The following PIP5KL1 variants were observed in gnomAD, a reference collection of about 807,000 sequenced individuals.
The protein encoded by PIP5KL1 is phosphatidylinositol-4-phosphate 5-kinase like 1, also known as phosphatidylinositol 4-phosphate 5-kinase-like protein 1.
PIP5KL1 carries 45 observed loss-of-function variants against 47.6 expected under a neutral mutation model. That is an observed-to-expected ratio of 0.94 (90% CI 0.74 to 1.21). PIP5KL1 has a LOEUF of 1.21. PIP5KL1 is among the 50% of genes most tolerant of loss of function. The pLI is 0.00. For synonymous variants in PIP5KL1, 256 were observed against 234.6 expected (o/e 1.09, Z -0.84); for missense variants, 577 against 547.6 (o/e 1.05, Z -0.54).
intron 1 of PIP5KL1, among the ~76,000 whole-genome samples, chr9:127,930,339 T>G (rs1019435325): frequency 6.6e-6 from 1 of 152,200 alleles, no homozygotes. Flanking sequence ...GTCACATCTA[T>G]TCCATTCGCC....
Position 127,927,228 on chromosome 9 carries a change from G to A in PIP5KL1, c.595-20C>T. 6.2e-7 allele frequency: 1 copy of A among 1,612,916 alleles called. No individual in the cohort carries two copies. On this transcript the variant is annotated intron_variant, in intron 6 of 9. Transcript: ENST00000388747. The surrounding 1 kb of genome is among the most constrained non-coding windows in gnomAD (Gnocchi z 5.5). Reference sequence around the variant, plus strand: ...GTACGTCTGGGGGCCGGGACAGGGAGTGAGGGAGGCCGGCTGTCGCCCTCC... The same window carrying A: ...GTACGTCTGGGGGCCGGGACAGGGAATGAGGGAGGCCGGCTGTCGCCCTCC...
chr9:127,925,113 G>T lies in PIP5KL1; in HGVS notation c.911C>A (p.Thr304Lys). The change falls in exon 9 of 10, where the codon ACG becomes AAG. Residue 304 changes from threonine to lysine, a missense_variant. Transcript: ENST00000388747. ...RGPGSSLIFR[T>K]ARSVQGAQSP... ...GCCCCTGTGGGAGGCTCACCTGGCC[G>T]TGCGGAAGATGAGGCTGCTGCCCGG... The T allele has an allele frequency of 1.9e-6, 3 of 1,613,966 alleles. No individual in the cohort carries two copies. Among genetic ancestry groups the T allele is most frequent in the Middle Eastern group, 1.6e-4 (1 of 6,062 alleles).
rs1026732959 is a variant in PIP5KL1, at chr9:127,922,944, C to T, written c.918-830G>A. On this transcript the variant is annotated intron_variant, in intron 9 of 9. Coordinates refer to ENST00000388747, the MANE Select transcript of PIP5KL1 (RefSeq NM_001135219.2). Reference sequence around the variant, plus strand: ...GGGTAGCACTGGTCTATAGCTTTTGCGTCACACAGACCCTGGAATCTGCAC... The same window carrying T: ...GGGTAGCACTGGTCTATAGCTTTTGTGTCACACAGACCCTGGAATCTGCAC... Among the ~76,000 whole-genome samples the T allele has an allele frequency of 4.6e-5, 7 of 152,226 alleles. No homozygotes were observed. The East Asian group carries it at 9.7e-4, about 21-fold the overall frequency.
In PIP5KL1 at chr9:127,927,555, C is replaced by T. The variant is rs1023958471; in HGVS notation, c.559+93G>A. ...CCCCCATGCCCTACAACCCCAAATC[C>T]GCCCATTTGGGCCCCGCCCACATAC... On this transcript the variant is annotated intron_variant, in intron 5 of 9. Transcript: ENST00000388747. The surrounding 1 kb of genome is among the most constrained non-coding windows in gnomAD (Gnocchi z 5.5). The T allele has an allele frequency of 6.0e-5, 79 of 1,327,726 alleles. 1 individual carries two copies. The East Asian group carries it at 2.7e-3, about 45-fold the overall frequency. 82.2% of individuals were successfully genotyped at this position (1,327,726 alleles called of 1,614,324 possible).
chr9:127,922,925 C>G (rs1831309567), intron 9 of PIP5KL1, among the ~76,000 whole-genome samples: 1 of 152,128 alleles, frequency 6.6e-6, no homozygotes, highest in South Asian at 2.1e-4. Flanking sequence ...TACTGGGTAG[C>G]ACTGGTCTAT....
At chr9:127,924,582 G>A (rs1413088890) in intron 9 of PIP5KL1, among the ~76,000 whole-genome samples, 1 of 151,192 alleles carries the variant, frequency 6.6e-6, no homozygotes, top group Non-Finnish European at 1.5e-5. Context: ...CTTGAATCGG[G>A]GAGGCAGAGG....
intron 8 of PIP5KL1, chr9:127,925,594 T>C (rs971369060): frequency 6.1e-5 from 30 of 491,678 alleles, no homozygotes; most frequent in Non-Finnish European, 9.3e-5. Flanking sequence ...GCCTCCTGAG[T>C]AGCTGGGATT....
chr9:127,926,138 TTCTCTCTTTTCTTTCTTTCTC>T (rs904044536), intron 7 of PIP5KL1, among the ~76,000 whole-genome samples, 159 bp from the exon 8 acceptor site: 26 of 151,906 alleles, frequency 1.7e-4, no homozygotes, highest in Middle Eastern at 6.8e-3. Context: ...CTTTCTTTCT[TTCTCTCTTTTCTTTCTTTCTC>T]TCTCTCTTTT....
In PIP5KL1 at chr9:127,927,309, G is replaced by A. The variant is rs1434931811; in HGVS notation, c.582C>T (p.Asp194=). The A allele has an allele frequency of 1.1e-5, 18 of 1,610,454 alleles. No individual in the cohort carries two copies. The highest frequency in any genetic ancestry group is 1.4e-5 in the Non-Finnish European group (17 of 1,179,258). ...RLLGVHSLRV[D]RGKKTYFIVM... The stretch of plus-strand genomic sequence containing the variant: ...CGGCTTCACCCACCTTCTTTCCCCG[G>A]TCCACCCGCAGACTGTGCACTCCTG... The change falls in exon 6 of 10, where the codon GAC becomes GAT. Residue 194 remains aspartate (D), a synonymous_variant. Coordinates refer to ENST00000388747, the MANE Select transcript of PIP5KL1 (RefSeq NM_001135219.2). The surrounding 1 kb of genome is among the most constrained non-coding windows in gnomAD (Gnocchi z 5.5).
chr9:127,925,222 C>A lies in PIP5KL1; in HGVS notation c.802G>T (p.Asp268Tyr). ...TTGAGCTCCCGGAGGAAGGTGGTATCCAGTTCCATCTGGCGGAGGAACCAG... is the reference window on the plus strand; with the variant it reads ...TTGAGCTCCCGGAGGAAGGTGGTATACAGTTCCATCTGGCGGAGGAACCAG... Reference protein sequence around the residue: ...RSWFLRQMELDTTFLRELNVL... With the variant: ...RSWFLRQMELYTTFLRELNVL... Residue 268 changes from aspartate to tyrosine, a missense_variant, in exon 9 of 10, where the codon GAT becomes TAT. Transcript: ENST00000388747. The A allele has an allele frequency of 1.2e-6, 2 of 1,613,930 alleles. No homozygotes were observed. The highest frequency in any genetic ancestry group is 1.7e-6 in the Non-Finnish European group (2 of 1,180,040).
At chr9:127,922,866 G>A (rs1831308654) in intron 9 of PIP5KL1, among the ~76,000 whole-genome samples, 1 of 152,110 alleles carries the variant, frequency 6.6e-6, no homozygotes, top group Non-Finnish European at 1.5e-5. Flanking sequence ...TTTTTAAAAT[G>A]AGGCTACTAG....
At position 127,921,850 on chromosome 9, in the gene PIP5KL1, C is replaced by T. The variant is rs1335074495; in HGVS notation, c.1182G>A (p.Glu394=). The T allele has an allele frequency of 2.5e-6, 4 of 1,572,330 alleles. No individual in the cohort carries two copies. Among genetic ancestry groups the T allele is most frequent in the South Asian group, 1.2e-5 (1 of 86,850 alleles). The change falls in exon 10 of 10, where the codon GAG becomes GAA. Residue 394 remains glutamate, a synonymous_variant. Coordinates refer to ENST00000388747, the MANE Select transcript of PIP5KL1 (RefSeq NM_001135219.2). ...GGAGAGTGGGGCCGGGCGCCCGTCACTCCGTGTGCGCCTCCACCCACTGGC... is the reference window on the plus strand; with the variant it reads ...GGAGAGTGGGGCCGGGCGCCCGTCATTCCGTGTGCGCCTCCACCCACTGGC... ...RLCQWVEAHT[E] is the part of the protein sequence containing the mutation.
chr9:127,922,624 G>A (rs1831300480), intron 9 of PIP5KL1, among the ~76,000 whole-genome samples: 1 of 148,424 alleles, frequency 6.7e-6, no homozygotes, highest in Admixed American at 6.8e-5. Context: ...AACCCGGGAG[G>A]CGGAGGGTTG....
intron 8 of PIP5KL1, chr9:127,925,560 G>A (rs757260826): frequency 2.1e-6 from 1 of 474,142 alleles, no homozygotes; most frequent in Non-Finnish European, 3.8e-6. Context: ...CTGCCGCCTG[G>A]GTTCAAGCGA....
At chr9:127,926,979 A>G (rs1831370639) in intron 7 of PIP5KL1, among the ~76,000 whole-genome samples, 174 bp downstream of exon 7, 4 of 152,210 alleles carry the variant, frequency 2.6e-5, no homozygotes, top group Admixed American at 2.6e-4. Flanking sequence ...CCTAACGCAC[A>G]CTGAGTGCTC....
chr9:127,924,888 G>A (rs1034192265), intron 9 of PIP5KL1, among the ~76,000 whole-genome samples: 16 of 151,020 alleles, frequency 1.1e-4, no homozygotes, highest in East Asian at 2.0e-4. Context: ...ACACACACAC[G>A]CACACATGCA....
chr9:127,924,516 G>C (rs1046227246), intron 9 of PIP5KL1, among the ~76,000 whole-genome samples: 42 of 150,632 alleles, frequency 2.8e-4, no homozygotes, highest in Middle Eastern at 3.5e-3. Flanking sequence ...AATTAGCCAG[G>C]CATGGTGGGG....
chr9:127,927,699 A>T lies in PIP5KL1; in HGVS notation c.508T>A (p.Tyr170Asn). Residue 170 changes from tyrosine to asparagine, a missense_variant, in exon 5 of 10, where the codon TAC becomes AAC. Coordinates refer to ENST00000388747, the MANE Select transcript of PIP5KL1 (RefSeq NM_001135219.2). The surrounding 1 kb of genome is among the most constrained non-coding windows in gnomAD (Gnocchi z 5.5). ...GGGTGCCGCTGCAGGTGCTGCACGTAGCGGGGCAGGTGGGCGAGCAGAGCC... is the reference window on the plus strand; with the variant it reads ...GGGTGCCGCTGCAGGTGCTGCACGTTGCGGGGCAGGTGGGCGAGCAGAGCC... The part of the protein sequence containing the change: ...VQALLAHLPR[Y>N]VQHLQRHPHS... The T allele has an allele frequency of 1.3e-6, 2 of 1,548,042 alleles. No individual in the cohort carries two copies. The highest frequency in any genetic ancestry group is 1.7e-6 in the Non-Finnish European group (2 of 1,147,290).
In PIP5KL1 at chr9:127,924,140, A is replaced by G. The variant is rs76210833; in HGVS notation, c.917+967T>C. On this transcript the variant is annotated intron_variant, in intron 9 of 9. Coordinates refer to ENST00000388747, the MANE Select transcript of PIP5KL1 (RefSeq NM_001135219.2). ...TCCCAACACTTTGGGAGGCAGAGACAGACAAATCTCTTGGTCAGGAGTTCA... is the reference window on the plus strand; with the variant it reads ...TCCCAACACTTTGGGAGGCAGAGACGGACAAATCTCTTGGTCAGGAGTTCA... Among the ~76,000 whole-genome samples the G allele has an allele frequency of 3.5e-3, 527 of 152,316 alleles. 3 individuals carry two copies. Among genetic ancestry groups the G allele is most frequent in the African/African-American group, 0.012 (509 of 41,574 alleles).
Sources: allele counts gnomAD v4.1 joint callset (sites outside exome capture counted in the v4.1 genomes callset), GRCh38; gene constraint gnomAD v4.1.1; non-coding constraint Gnocchi (gnomAD v3.1); transcripts MANE v1.5; gene names NCBI Gene and HGNC (gene_info 2026-07-23, HGNC 2026-07-21).